Variants in COL18A1 observed in about 807,000 individuals in gnomAD.
COL18A1 encodes the protein collagen type XVIII alpha 1 chain, also known as collagen alpha-1(XVIII) chain.
A neutral mutation model predicts 168.0 loss-of-function variants in COL18A1; 133 were observed. The ratio of observed to expected loss-of-function variants is 0.79; its 90% CI spans 0.69 to 0.91. The LOEUF is 0.91. COL18A1 is among the 40% of genes least tolerant of loss of function. The pLI is 0.00. For missense variants in COL18A1, 2,126 were observed against 1,925.4 expected (o/e 1.10, Z -1.95); for synonymous variants, 949 against 809.0 (o/e 1.17, Z -2.94).
intron 2 of COL18A1, among the ~76,000 whole-genome samples, chr21:45,464,682 C>T (rs1385932926): frequency 6.6e-6 from 1 of 152,170 alleles, no homozygotes; most frequent in Non-Finnish European, 1.5e-5. Flanking sequence ...TTGACTTTTC[C>T]AGCCTCTAGA....
At chr21:45,510,038 C>T in intron 39 of COL18A1, 26 bp from the exon 40 acceptor site, 1 of 1,539,760 alleles carries the variant, frequency 6.5e-7, no homozygotes, top group Non-Finnish European at 8.7e-7. Flanking sequence ...TGGGACACAG[C>T]CCGTGACGCG....
At chr21:45,488,558 T>G in intron 18 of COL18A1, 114 bp downstream of exon 18, 1 of 1,496,272 alleles carries the variant, frequency 6.7e-7, no homozygotes. Context: ...AGGAGTAGGA[T>G]GAATTCATCC....
At chr21:45,510,786 A>G (rs2838954) in intron 40 of COL18A1, among the ~76,000 whole-genome samples, 94,271 of 152,036 alleles carry the variant, frequency 0.62, 29,584 homozygotes, top group African/African-American at 0.71. Flanking sequence ...GGCTGGGAGC[A>G]GGCGGCTGTG....
At chr21:45,493,454 T>G in intron 25 of COL18A1, 47 bp from the exon 26 acceptor site, 1 of 1,501,186 alleles carries the variant, frequency 6.7e-7, no homozygotes. Flanking sequence ...TGAGGCTTTG[T>G]GGGGAAGGAG....
At chr21:45,501,963 CCGG>C (rs1259970385) in intron 32 of COL18A1, among the ~76,000 whole-genome samples, 2 of 85,180 alleles carry the variant, frequency 2.3e-5, no homozygotes, top group East Asian at 3.0e-4. Flanking sequence ...GCCTCCGCAG[CCGG>C]TCACCTCCCT....
In COL18A1 at chr21:45,478,335, C is replaced by G. The variant is rs915943290; in HGVS notation, c.1230C>G (p.Pro410=). ...TPGRDGEPGD[P]GEDGKPGDTG... is the part of the protein sequence containing the mutation. ...TTCTCTTGCACACCCAGGGCGACCC[C>G]GGTGAAGACGGAAAGCCGGTGAGTC... Residue 410 remains proline, a synonymous_variant, in exon 9 of 42, where the codon CCC becomes CCG. Coordinates refer to ENST00000651438, the MANE Select transcript of COL18A1 (RefSeq NM_001379500.1). The G allele has an allele frequency of 5.6e-6, 9 of 1,613,698 alleles. No homozygotes were observed. The highest frequency in any genetic ancestry group is 5.4e-5 in the African/African-American group (4 of 74,754).
At chr21:45,410,862 G>A (rs2033269004) in intron 2 of COL18A1, among the ~76,000 whole-genome samples, 1 of 152,222 alleles carries the variant, frequency 6.6e-6, no homozygotes, top group African/African-American at 2.4e-5. Flanking sequence ...ACGCCGTCTG[G>A]CATCTCCGGT....
intron 2 of COL18A1, among the ~76,000 whole-genome samples, chr21:45,459,040 C>T (rs764402565): frequency 5.9e-5 from 9 of 152,190 alleles, no homozygotes; most frequent in South Asian, 2.1e-4. Context: ...CGTCCCCGTG[C>T]GAGGGAGGCC....
chr21:45,456,989 A>C, intron 2 of COL18A1: 23 of 907,734 alleles, frequency 2.5e-5, no homozygotes, highest in African/African-American at 3.5e-5. Flanking sequence ...TCGAATCTCT[A>C]CGTTCAGGGG....
At chr21:45,440,724 A>G (rs116370322) in intron 2 of COL18A1, among the ~76,000 whole-genome samples, 1,527 of 147,878 alleles carry the variant, frequency 0.01, 37 homozygotes, top group African/African-American at 0.037. Flanking sequence ...GGAAGCAGTC[A>G]GGGCCTGCGG....
At position 45,453,209 on chromosome 21, in the gene COL18A1, T is replaced by C. The variant is rs1357096806; in HGVS notation, c.107-15033T>C. ...TATGCATGTATTCATGTGTGACATGTGAGCATGTATGTACATGTGTGTGCT... is the reference window on the plus strand; with the variant it reads ...TATGCATGTATTCATGTGTGACATGCGAGCATGTATGTACATGTGTGTGCT... On this transcript the variant is annotated intron_variant, in intron 2 of 41. Coordinates refer to ENST00000651438, the MANE Select transcript of COL18A1 (RefSeq NM_001379500.1). 3.9e-5 allele frequency among the ~76,000 whole-genome samples: 6 copies of C among 152,230 alleles called. No homozygotes were observed. In the South Asian group the frequency reaches 1.2e-3, roughly 32 times the overall value.
Position 45,457,060 on chromosome 21 carries a change from G to A in COL18A1, c.107-11182G>A, listed in dbSNP as rs1457937733. ...AGGCCTCCTGTGTGGGGAGGAGGCC[G>A]GCGTCTGGACAGGAAGAGGGCTGGA... On this transcript the variant is annotated intron_variant, in intron 2 of 41. Transcript: ENST00000651438. This position sits in a 1 kb window ranked among gnomAD's most constrained non-coding sequence, Gnocchi z 4.6. Among the ~76,000 whole-genome samples, 2 of 152,170 alleles carry A rather than the reference G, an allele frequency of 1.3e-5. No individual in the cohort carries two copies. Among genetic ancestry groups the A allele is most frequent in the Non-Finnish European group, 2.9e-5 (2 of 68,024 alleles).
chr21:45,469,381 C>G (rs927237695), intron 3 of COL18A1, among the ~76,000 whole-genome samples: 28 of 152,354 alleles, frequency 1.8e-4, no homozygotes, highest in African/African-American at 6.5e-4. Flanking sequence ...AGCTGCACAC[C>G]CGCTGGGACC....
At chr21:45,489,550 T>G (rs765766441) in intron 19 of COL18A1, 29 bp downstream of exon 19, 5 of 1,546,222 alleles carry the variant, frequency 3.2e-6, no homozygotes, top group Non-Finnish European at 4.4e-6. Flanking sequence ...TTCAGGGACG[T>G]GGCCAGGCAG....
chr21:45,405,560 C>T lies in COL18A1; in HGVS notation c.106+87C>T, dbSNP rs1602317955. 6.7e-5 allele frequency: 54 copies of T among 804,872 alleles called. No individual in the cohort carries two copies. In the East Asian group the frequency reaches 2.4e-3, roughly 35 times the overall value. 49.9% of individuals were successfully genotyped at this position (804,872 alleles called of 1,614,324 possible). A position where few individuals can be genotyped will look rare whatever the true frequency, so the allele number is the denominator to read the frequency against. On this transcript the variant is annotated intron_variant, in intron 2 of 41. Coordinates refer to ENST00000651438, the MANE Select transcript of COL18A1 (RefSeq NM_001379500.1). ...GGGGTCCCCGCCCGGCTCCCTCACC[C>T]CCGCCCCGGCCGCTCTGGGTTCAGC...
intron 2 of COL18A1, among the ~76,000 whole-genome samples, chr21:45,462,151 C>A (rs1322244514): frequency 6.6e-6 from 1 of 152,010 alleles, no homozygotes; most frequent in East Asian, 1.9e-4. Context: ...ATTAAGAAGC[C>A]CTTGGATGTG....
chr21:45,509,390 T>G lies in COL18A1; in HGVS notation c.3284T>G (p.Val1095Gly). The change falls in exon 39 of 42, where the codon GTG becomes GGG. Residue 1095 changes from valine (V) to glycine (G), a missense_variant. Physicochemically the swap from Val to Gly is moderately radical, Grantham distance 109. Transcript: ENST00000651438. Reference protein sequence around the residue: ...NEVAALQPPVVQLHDSNPYPR... With the variant: ...NEVAALQPPVGQLHDSNPYPR... ...GTGGCCGCCTTGCAGCCCCCCGTGG[T>G]GCAGCTGCACGACAGCAACCCCTAC... 1 of 1,542,096 alleles carries G rather than the reference T, an allele frequency of 6.5e-7. No individual in the cohort carries two copies. Among genetic ancestry groups the G allele is most frequent in the Non-Finnish European group, 8.7e-7 (1 of 1,143,850 alleles).
intron 2 of COL18A1, among the ~76,000 whole-genome samples, chr21:45,441,122 T>C (rs2034359054): frequency 6.6e-6 from 1 of 152,064 alleles, no homozygotes; most frequent in African/African-American, 2.4e-5. Context: ...GACTTTCCCA[T>C]CTCCCCACTA....
At chr21:45,436,120 C>T (rs1251663077) in intron 2 of COL18A1, among the ~76,000 whole-genome samples, 1 of 152,220 alleles carries the variant, frequency 6.6e-6, no homozygotes, top group African/African-American at 2.4e-5. Context: ...TGAGCAAGAG[C>T]ATGTTTAAAG....
Sources: gnomAD v4.1 joint callset for allele counts (sites outside exome capture counted in the v4.1 genomes callset) on GRCh38, gnomAD v4.1.1 for gene constraint, Gnocchi (gnomAD v3.1) non-coding constraint, MANE v1.5 for transcripts, NCBI Gene and HGNC (gene_info 2026-07-23, HGNC 2026-07-21) for gene names.